POLR3B: variants seen among roughly 807,000 people sequenced by gnomAD.
The protein encoded by POLR3B is RNA polymerase III subunit B.
POLR3B carries 96 observed loss-of-function variants against 147.4 expected under a neutral mutation model. The observed-to-expected ratio is 0.65, with a 90% confidence interval of 0.55 to 0.77. The LOEUF is 0.77. Among genes scored for constraint, POLR3B ranks in the 30% least tolerant of loss-of-function variants. The pLI is 0.00. For synonymous variants in POLR3B, 461 were observed against 485.9 expected (o/e 0.95, Z 0.67); for missense variants, 1,036 against 1,413.5 (o/e 0.73, Z 4.28).
intron 20 of POLR3B, among the ~76,000 whole-genome samples, chr12:106,455,835 G>A (rs1031847637): frequency 6.6e-6 from 1 of 152,122 alleles, no homozygotes; most frequent in Admixed American, 6.6e-5. Context: ...AGACACAAAT[G>A]TCTTCATCTG....
chr12:106,376,409 C>T lies in POLR3B; in HGVS notation c.455C>T (p.Pro152Leu), dbSNP rs2036679675. ...AACTGTGTTCTTACAGGAAAAACGCCAGCAGAATTTGCCAAACTGAACGAA... is the reference window on the plus strand; with the variant it reads ...AACTGTGTTCTTACAGGAAAAACGCTAGCAGAATTTGCCAAACTGAACGAA... The part of the protein sequence containing the change: ...SSNCVLTGKT[P>L]AEFAKLNECP... Residue 152 changes from proline (P) to leucine (L), a missense_variant, in exon 7 of 28, where the codon CCA (proline) becomes CTA (leucine). This residue lies in a region of POLR3B where 217 missense variants were observed against 288.7 expected (regional missense o/e 0.75). Coordinates refer to ENST00000228347, the MANE Select transcript of POLR3B (RefSeq NM_018082.6). 1 of 1,613,632 alleles carries T rather than the reference C, an allele frequency of 6.2e-7. No homozygotes were observed. The highest frequency in any genetic ancestry group is 8.5e-7 in the Non-Finnish European group (1 of 1,179,814).
chr12:106,447,004 G>A (rs1210959427), intron 19 of POLR3B, among the ~76,000 whole-genome samples: 2 of 152,112 alleles, frequency 1.3e-5, no homozygotes, highest in Non-Finnish European at 1.5e-5. Flanking sequence ...TCTCTGGATC[G>A]TTTTAATTCC....
At chr12:106,361,756 T>A (rs1241880201) in intron 1 of POLR3B, among the ~76,000 whole-genome samples, 2 of 152,070 alleles carry the variant, frequency 1.3e-5, no homozygotes, top group Non-Finnish European at 1.5e-5. Flanking sequence ...GATAGAACTT[T>A]GAAGAACACC....
In POLR3B at chr12:106,401,201, T is replaced by C. The variant is rs551729938; in HGVS notation, c.847-4656T>C. ...TCAGAGAATACTATAAACATGTCTA[T>C]GCAAATAAACTAGAAAATCTAGAAG... On this transcript the variant is annotated intron_variant, in intron 10 of 27. Transcript: ENST00000228347. Among the ~76,000 whole-genome samples the C allele has an allele frequency of 4.2e-3, 638 of 152,282 alleles. 7 individuals carry two copies. Among genetic ancestry groups the C allele is most frequent in the African/African-American group, 0.014 (600 of 41,540 alleles).
At chr12:106,491,294 G>A (rs1213012874) in intron 23 of POLR3B, among the ~76,000 whole-genome samples, 1 of 152,136 alleles carries the variant, frequency 6.6e-6, no homozygotes, top group African/African-American at 2.4e-5. Flanking sequence ...CACCCCCAAA[G>A]TAACATATCA....
chr12:106,372,807 T>C (rs2036627459), intron 6 of POLR3B, among the ~76,000 whole-genome samples: 1 of 152,226 alleles, frequency 6.6e-6, no homozygotes, highest in African/African-American at 2.4e-5. Flanking sequence ...TTTAATTATC[T>C]TTTTGGTTAC....
At chr12:106,429,173 T>G (rs184932286) in intron 13 of POLR3B, among the ~76,000 whole-genome samples, 1 of 152,334 alleles carries the variant, frequency 6.6e-6, no homozygotes, top group Non-Finnish European at 1.5e-5. Flanking sequence ...TTTTTGCTTT[T>G]TTTTGGACAG....
chr12:106,477,736 C>T lies in POLR3B; in HGVS notation c.2713+14116C>T, dbSNP rs562948165. 1.3e-4 allele frequency among the ~76,000 whole-genome samples: 20 copies of T among 152,122 alleles called. 1 individual carries two copies. In the South Asian group the frequency reaches 3.5e-3, roughly 27 times the overall value. On this transcript the variant is annotated intron_variant, in intron 23 of 27. Transcript: ENST00000228347. ...CCTGCTTCGGCTCGCGCAGGGTACG[C>T]GCACCCACTGGCCTGCGCCCACTGT...
At position 106,393,108 on chromosome 12, in the gene POLR3B, C is replaced by T; in HGVS notation, c.801C>T (p.Pro267=). The T allele has an allele frequency of 6.2e-7, 1 of 1,614,170 alleles. No individual in the cohort carries two copies. The highest frequency in any genetic ancestry group is 1.1e-5 in the South Asian group (1 of 91,086). The change falls in exon 10 of 28, where the codon CCC becomes CCT. Residue 267 remains proline, a synonymous_variant. Coordinates refer to ENST00000228347, the MANE Select transcript of POLR3B (RefSeq NM_018082.6). ...TEEHVMAAFG[P]SLEECQKAQI... ...AGCACGTGATGGCTGCATTTGGGCCCAGTCTGGAAGAGTGCCAGAAAGCTC... is the reference window on the plus strand; with the variant it reads ...AGCACGTGATGGCTGCATTTGGGCCTAGTCTGGAAGAGTGCCAGAAAGCTC...
chr12:106,449,707 G>A (rs1353769201), intron 19 of POLR3B, among the ~76,000 whole-genome samples: 2 of 152,174 alleles, frequency 1.3e-5, no homozygotes, highest in Non-Finnish European at 2.9e-5. Context: ...CTGAGGTGTA[G>A]AGGAAGGGAG....
chr12:106,405,004 T>G (rs1396504056), intron 10 of POLR3B, among the ~76,000 whole-genome samples: 2 of 152,216 alleles, frequency 1.3e-5, no homozygotes, highest in African/African-American at 4.8e-5. Context: ...CTCATTGAAT[T>G]GCTATGATAC....
intron 19 of POLR3B, among the ~76,000 whole-genome samples, chr12:106,452,429 A>G (rs1400754683): frequency 1.3e-5 from 2 of 152,190 alleles, no homozygotes; most frequent in African/African-American, 4.8e-5. Context: ...AATTTATAGC[A>G]GGATCCAGTC....
At chr12:106,362,806 C>T (rs1424229917) in intron 1 of POLR3B, among the ~76,000 whole-genome samples, 1 of 152,070 alleles carries the variant, frequency 6.6e-6, no homozygotes, top group Non-Finnish European at 1.5e-5. Flanking sequence ...TGTCATTCTT[C>T]TATTTTTAAA....
chr12:106,425,529 C>A (rs1357606915), intron 12 of POLR3B, among the ~76,000 whole-genome samples: 1 of 152,126 alleles, frequency 6.6e-6, no homozygotes, highest in Admixed American at 6.5e-5. Flanking sequence ...TGTCCTGCCC[C>A]CTTCCCAGGG....
chr12:106,358,148 C>G, intron 1 of POLR3B, 197 bp downstream of exon 1: 5 of 1,454,990 alleles, frequency 3.4e-6, no homozygotes. Flanking sequence ...AGGCTGATCC[C>G]AGAGGAGCTG....
chr12:106,384,813 C>T (rs1292930554), intron 9 of POLR3B, among the ~76,000 whole-genome samples: 2 of 150,734 alleles, frequency 1.3e-5, no homozygotes, highest in African/African-American at 4.9e-5. Context: ...GTTAACTAAT[C>T]GATATATATT....
At chr12:106,359,447 T>TTGATTA (rs1473559126) in intron 1 of POLR3B, among the ~76,000 whole-genome samples, 1 of 150,590 alleles carries the variant, frequency 6.6e-6, no homozygotes, top group Non-Finnish European at 1.5e-5. Flanking sequence ...TTCTCCTGCC[T>TTGATTA]CAGCCTCCCA....
chr12:106,441,016 C>G (rs2037644084), intron 18 of POLR3B, among the ~76,000 whole-genome samples: 1 of 152,112 alleles, frequency 6.6e-6, no homozygotes, highest in South Asian at 2.1e-4. Flanking sequence ...GAATGAATCC[C>G]CTTCCTTTCC....
At chr12:106,464,259 C>T (rs956970836) in intron 23 of POLR3B, among the ~76,000 whole-genome samples, 18 of 152,300 alleles carry the variant, frequency 1.2e-4, no homozygotes, top group Admixed American at 8.5e-4. Flanking sequence ...TTTCAAGAAA[C>T]ACGCACTGTA....
Sources: allele counts gnomAD v4.1 joint callset (sites outside exome capture counted in the v4.1 genomes callset), GRCh38; gene constraint gnomAD v4.1.1; regional missense constraint gnomAD v4.1.1; transcripts MANE v1.5; gene names NCBI Gene and HGNC (gene_info 2026-07-23, HGNC 2026-07-21).